Variants in MKLN1 observed in about 807,000 individuals in gnomAD.
MKLN1 encodes muskelin.
A neutral mutation model predicts 99.0 loss-of-function variants in MKLN1; 18 were observed. That is an observed-to-expected ratio of 0.18 (90% CI 0.13 to 0.27). The LOEUF (loss-of-function observed/expected upper bound fraction) is 0.27, where lower values mean the gene tolerates loss of function less well. MKLN1 is among the 10% of genes least tolerant of loss of function. MKLN1 has a pLI of 1.00. For synonymous variants in MKLN1, 288 were observed against 293.2 expected, an observed-to-expected ratio of 0.98 and a Z score of 0.18; for missense variants, 621 against 875.9, an observed-to-expected ratio of 0.71 and a Z score of 3.67.
chr7:131,461,612 GTAGA>G (rs1325794867), intron 12 of MKLN1, among the ~76,000 whole-genome samples: 1 of 152,152 alleles, frequency 6.6e-6, no homozygotes, highest in African/African-American at 2.4e-5. Flanking sequence ...TCCCACTAAA[GTAGA>G]TAAAGAAGAC....
intron 2 of MKLN1, among the ~76,000 whole-genome samples, chr7:131,191,494 G>A (rs1453501281): frequency 6.6e-6 from 1 of 152,196 alleles, no homozygotes; most frequent in Non-Finnish European, 1.5e-5. Flanking sequence ...AAGGAGTACA[G>A]AGAATAAATT....
upstream of MKLN1, among the ~76,000 whole-genome samples, chr7:131,325,814 C>T (rs972313230): frequency 6.7e-6 from 1 of 149,564 alleles, no homozygotes; most frequent in South Asian, 2.1e-4. Flanking sequence ...GAGCAAGCTC[C>T]GGAGGCTAGA....
intron 1 of MKLN1, among the ~76,000 whole-genome samples, chr7:131,343,493 G>A (rs552468275): frequency 1.4e-3 from 214 of 152,210 alleles, no homozygotes; most frequent in African/African-American, 4.9e-3. Context: ...AAGGTAGCTT[G>A]GCTGATACTG....
At chr7:131,124,936 T>C (rs1023906622) in intron 1 of MKLN1, among the ~76,000 whole-genome samples, 1 of 152,186 alleles carries the variant, frequency 6.6e-6, no homozygotes, top group African/African-American at 2.4e-5. Context: ...CTGAACTTTA[T>C]GTGATTAAGA....
intron 1 of MKLN1, among the ~76,000 whole-genome samples, chr7:131,341,294 T>G (rs1303301625): frequency 6.6e-6 from 1 of 152,182 alleles, no homozygotes; most frequent in Non-Finnish European, 1.5e-5. Context: ...TGCAGTCAAT[T>G]TTAGAACATT....
chr7:131,174,099 A>C (rs942457076), intron 2 of MKLN1, among the ~76,000 whole-genome samples: 4 of 150,886 alleles, frequency 2.7e-5, no homozygotes, highest in Admixed American at 6.6e-5. Flanking sequence ...CAGCCTCCCG[A>C]GTAGCTGGGA....
chr7:131,376,950 ACTAG>A (rs1322609353), intron 2 of MKLN1, among the ~76,000 whole-genome samples: 1 of 152,098 alleles, frequency 6.6e-6, no homozygotes, highest in Non-Finnish European at 1.5e-5. Context: ...ATTTTCTGTG[ACTAG>A]CTGTTTTTTA....
In MKLN1 at chr7:131,131,193, T is replaced by TTAAATAAATAAATAAATAAA. The variant is rs56293710; in HGVS notation, c.-418-11614_-418-11595dup. Among the ~76,000 whole-genome samples the TTAAATAAATAAATAAATAAA allele has an allele frequency of 2.0e-3, 268 of 136,130 alleles. 5 individuals are homozygous for TTAAATAAATAAATAAATAAA. In the East Asian group the frequency reaches 0.045, roughly 23 times the overall value. 89.3% of individuals were successfully genotyped at this position (136,130 alleles called of 152,430 possible). A position where few individuals can be genotyped will look rare whatever the true frequency, so the allele number is the denominator to read the frequency against. ...AAATATAGTGAGACCTCACCTCTAC[T>TTAAATAAATAAATAAATAAA]TAAATAAATAAATAAATAAATAAAT... On this transcript the variant is annotated intron_variant, in intron 1 of 7. Coordinates refer to the MKLN1 transcript ENST00000416992.
chr7:131,352,518 CT>C lies in MKLN1; in HGVS notation c.99-22896del, dbSNP rs201305153. Among the ~76,000 whole-genome samples, 368 of 148,270 alleles carry C rather than the reference CT, an allele frequency of 2.5e-3. 1 individual carries two copies. Among genetic ancestry groups the C allele is most frequent in the African/African-American group, 8.3e-3 (336 of 40,532 alleles). On this transcript the variant is annotated intron_variant, in intron 1 of 17. Transcript: ENST00000352689. ...AGGTTGTAACTTCTTTCATTTTACACTTTTTTTTTTAAGTTGAAAATGTTTC... is the reference window on the plus strand; with the variant it reads ...AGGTTGTAACTTCTTTCATTTTACACTTTTTTTTTAAGTTGAAAATGTTTC...
chr7:131,243,272 A>G (rs1424461364), intron 3 of MKLN1, among the ~76,000 whole-genome samples: 1 of 152,178 alleles, frequency 6.6e-6, no homozygotes, highest in Non-Finnish European at 1.5e-5. Flanking sequence ...ACCTATGTCT[A>G]GCCATGTCAC....
intron 1 of MKLN1, among the ~76,000 whole-genome samples, chr7:131,349,335 A>G (rs934240052): frequency 6.6e-6 from 1 of 152,080 alleles, no homozygotes; most frequent in Admixed American, 6.5e-5. Flanking sequence ...AGCTGGGACT[A>G]CAGGTGCGTG....
intron 2 of MKLN1, among the ~76,000 whole-genome samples, chr7:131,377,623 AC>A (rs1390156232): frequency 2.0e-5 from 3 of 152,174 alleles, no homozygotes; most frequent in Admixed American, 6.5e-5. Flanking sequence ...AACTATGATA[AC>A]CTTATTATTT....
chr7:131,420,599 G>A (rs1281921880), intron 8 of MKLN1, among the ~76,000 whole-genome samples: 3 of 152,164 alleles, frequency 2.0e-5, no homozygotes, highest in Non-Finnish European at 2.9e-5. Flanking sequence ...TTAGTTTGAG[G>A]TTCAGGAGAT....
chr7:131,446,126 A>G (rs1419872889), intron 12 of MKLN1, among the ~76,000 whole-genome samples: 1 of 152,148 alleles, frequency 6.6e-6, no homozygotes, highest in Non-Finnish European at 1.5e-5. Context: ...GAATTTCTAA[A>G]TGAATTGTGT....
intron 2 of MKLN1, among the ~76,000 whole-genome samples, chr7:131,168,372 A>G (rs1796166287): frequency 6.6e-6 from 1 of 152,160 alleles, no homozygotes; most frequent in Admixed American, 6.5e-5. Flanking sequence ...CCTGATTATG[A>G]AGGACACAAT....
At chr7:131,337,364 A>G (rs1799278820) in intron 1 of MKLN1, among the ~76,000 whole-genome samples, 1 of 151,838 alleles carries the variant, frequency 6.6e-6, no homozygotes, top group Non-Finnish European at 1.5e-5. Flanking sequence ...TTTATCCCCC[A>G]TATGTCTCCT....
intron 1 of MKLN1, among the ~76,000 whole-genome samples, chr7:131,355,860 A>G (rs1261588538): frequency 6.6e-6 from 1 of 151,342 alleles, no homozygotes; most frequent in Non-Finnish European, 1.5e-5. Context: ...CTTCTATTCT[A>G]AATAGTATTT....
intron 2 of MKLN1, among the ~76,000 whole-genome samples, chr7:131,164,785 T>C (rs1796100303): frequency 6.6e-6 from 1 of 152,180 alleles, no homozygotes; most frequent in Admixed American, 6.5e-5. Flanking sequence ...GGGAAAGGGA[T>C]AGGGAGCTGG....
intron 3 of MKLN1, among the ~76,000 whole-genome samples, chr7:131,292,603 G>A (rs749060375): frequency 8.5e-5 from 13 of 152,280 alleles, no homozygotes; most frequent in Middle Eastern, 3.4e-3. Flanking sequence ...GGATTGAGGC[G>A]TTGTAGCTGC....
Sources: allele counts gnomAD v4.1 joint callset (sites outside exome capture counted in the v4.1 genomes callset), GRCh38; gene constraint gnomAD v4.1.1; transcripts MANE v1.5; gene names NCBI Gene and HGNC (gene_info 2026-07-23, HGNC 2026-07-21).